PCDHA12: variants seen among roughly 807,000 people sequenced by gnomAD.
PCDHA12 encodes protocadherin alpha-12.
PCDHA12 carries 44 observed loss-of-function variants against 60.0 expected under a neutral mutation model. The observed-to-expected ratio is 0.73, with a 90% CI of 0.58 to 0.94. The LOEUF (loss-of-function observed/expected upper bound fraction) is 0.94, where lower values mean the gene tolerates loss of function less well. PCDHA12 is among the 40% of genes least tolerant of loss of function. The pLI is 0.00. For missense variants in PCDHA12, 1,276 were observed against 1,239.7 expected (o/e 1.03, Z -0.44); for synonymous variants, 569 against 553.0 (o/e 1.03, Z -0.40).
chr5:140,897,178 CA>C (rs1414076017), intron 1 of PCDHA12, among the ~76,000 whole-genome samples: 4 of 151,978 alleles, frequency 2.6e-5, no homozygotes, highest in South Asian at 2.1e-4. Context: ...TCCATGGGTT[CA>C]AAAAATATAT....
chr5:140,883,881 G>A (rs782379771), intron 1 of PCDHA12: 13 of 1,613,320 alleles, frequency 8.1e-6, no homozygotes, highest in Non-Finnish European at 1.1e-5. Flanking sequence ...GTGAGCGCGC[G>A]CGACTCTGGC....
intron 3 of PCDHA12, among the ~76,000 whole-genome samples, chr5:140,997,458 G>A (rs1167865060): frequency 5.3e-5 from 8 of 152,070 alleles, no homozygotes; most frequent in African/African-American, 1.7e-4. Flanking sequence ...ACTGAATACT[G>A]TAGGCAATTT....
At chr5:140,967,547 A>T in intron 1 of PCDHA12, 1 of 1,613,890 alleles carries the variant, frequency 6.2e-7, no homozygotes, top group Non-Finnish European at 8.5e-7. Flanking sequence ...TGACCAGTCC[A>T]CTTATCGCGT....
intron 1 of PCDHA12, among the ~76,000 whole-genome samples, chr5:140,911,719 G>C (rs1184939092): frequency 6.6e-6 from 1 of 151,412 alleles, no homozygotes; most frequent in African/African-American, 2.5e-5. Context: ...GTGTAACTCT[G>C]TAAACAGTTC....
chr5:141,009,597 G>A (rs1284925593), intron 3 of PCDHA12, 30 bp from the exon 4 acceptor site: 1 of 1,605,790 alleles, frequency 6.2e-7, no homozygotes, highest in Non-Finnish European at 8.5e-7. Flanking sequence ...TGTTGACCCT[G>A]TTAATGATTT....
intron 1 of PCDHA12, among the ~76,000 whole-genome samples, chr5:140,910,278 A>G (rs1261965132): frequency 6.6e-6 from 1 of 151,132 alleles, no homozygotes; most frequent in Non-Finnish European, 1.5e-5. Flanking sequence ...TTCTAGGAAC[A>G]CCATGATTAA....
chr5:141,008,515 A>G (rs1430400139), intron 3 of PCDHA12, among the ~76,000 whole-genome samples: 1 of 152,126 alleles, frequency 6.6e-6, no homozygotes, highest in Non-Finnish European at 1.5e-5. Context: ...GTGTCTTCCA[A>G]TCAGACTCTT....
At chr5:140,990,314 C>G (rs1295117014) in intron 3 of PCDHA12, among the ~76,000 whole-genome samples, 1 of 152,094 alleles carries the variant, frequency 6.6e-6, no homozygotes, top group East Asian at 1.9e-4. Flanking sequence ...AAAAAACCAA[C>G]CAAACAAACT....
rs1554253792 is a variant in PCDHA12 at position 140,993,501 on chromosome 5, C to CACAT, written c.2515+10941_2515+10942insTACA. ...ACACACACACACACACACACACACA[C>CACAT]ACACACACGGGGAGAGAGAGACAGA... is the stretch of plus-strand genomic sequence containing the variant. On this transcript the variant is annotated intron_variant, in intron 3 of 3. Transcript: ENST00000398631. Among the ~76,000 whole-genome samples, 4 of 149,100 alleles carry CACAT rather than the reference C, an allele frequency of 2.7e-5. No individual in the cohort carries two copies. In the East Asian group the frequency reaches 5.8e-4, roughly 22 times the overall value.
chr5:140,972,957 C>T (rs369707081), intron 1 of PCDHA12, among the ~76,000 whole-genome samples: 1 of 152,054 alleles, frequency 6.6e-6, no homozygotes, highest in East Asian at 1.9e-4. Context: ...CCACCATGCC[C>T]GGCAAAGGAA....
intron 1 of PCDHA12, among the ~76,000 whole-genome samples, chr5:140,940,172 C>T (rs1177302028): frequency 6.6e-6 from 1 of 152,102 alleles, no homozygotes; most frequent in Non-Finnish European, 1.5e-5. Flanking sequence ...AAATGTCATT[C>T]TTGATAGATA....
chr5:140,989,128 G>A (rs2097330831), intron 3 of PCDHA12: 1 of 152,178 alleles, frequency 6.6e-6, no homozygotes, highest in Non-Finnish European at 1.5e-5. Flanking sequence ...AGAAAAATAA[G>A]ACACTTTATC....
At chr5:140,917,324 C>CGGGGGGGGG (rs1299895515) in intron 1 of PCDHA12, among the ~76,000 whole-genome samples, 1 of 76,048 alleles carries the variant, frequency 1.3e-5, no homozygotes, top group Non-Finnish European at 2.9e-5. Context: ...GTTCATGTGG[C>CGGGGGGGGG]GGGGGAGGGG....
chr5:141,007,395 C>CAAAAAAA (rs35800918), intron 3 of PCDHA12, among the ~76,000 whole-genome samples: 1,149 of 94,062 alleles, frequency 0.012, no homozygotes, highest in African/African-American at 0.016. Flanking sequence ...TACTAAAATA[C>CAAAAAAA]AAAAAAAAAA....
At chr5:141,000,385 CTCTCTCTCTCTATA>C (rs1173975015) in intron 3 of PCDHA12, among the ~76,000 whole-genome samples, 30 of 64,968 alleles carry the variant, frequency 4.6e-4, no homozygotes, top group African/African-American at 1.8e-3. Context: ...CTCTCTCTCT[CTCTCTCTCTCTATA>C]TATATATATA....
chr5:140,969,863 C>G (rs1305470999), intron 1 of PCDHA12, among the ~76,000 whole-genome samples: 2 of 152,156 alleles, frequency 1.3e-5, no homozygotes, highest in Non-Finnish European at 2.9e-5. Context: ...CTGGTACTTG[C>G]ACTGAACCTA....
chr5:141,003,445 G>A (rs2098125256), intron 3 of PCDHA12, among the ~76,000 whole-genome samples: 1 of 152,112 alleles, frequency 6.6e-6, no homozygotes, highest in African/African-American at 2.4e-5. Flanking sequence ...CCAAGTAGAT[G>A]AAATTACAGG....
chr5:140,935,736 A>G (rs2090532745), intron 1 of PCDHA12, among the ~76,000 whole-genome samples: 1 of 152,190 alleles, frequency 6.6e-6, no homozygotes, highest in Admixed American at 6.5e-5. Flanking sequence ...TCTAGTATCT[A>G]TTATTCCATA....
chr5:140,945,828 A>T (rs2093847646), intron 1 of PCDHA12, among the ~76,000 whole-genome samples: 1 of 152,176 alleles, frequency 6.6e-6, no homozygotes, highest in Admixed American at 6.5e-5. Flanking sequence ...TACAAAAGTC[A>T]ACTCAAAATG....
Sources: allele counts gnomAD v4.1 joint callset (sites outside exome capture counted in the v4.1 genomes callset), GRCh38; gene constraint gnomAD v4.1.1; transcripts MANE v1.5; gene names NCBI Gene and HGNC (gene_info 2026-07-23, HGNC 2026-07-21).